The following MTCL1 variants were observed in gnomAD, a reference collection of about 807,000 sequenced individuals.
MTCL1 encodes microtubule cross-linking factor 1.
A neutral mutation model predicts 141.4 loss-of-function variants in MTCL1; 79 were observed. The ratio of observed to expected loss-of-function variants is 0.56; its 90% CI spans 0.47 to 0.67. The LOEUF (loss-of-function observed/expected upper bound fraction) is 0.67. MTCL1 is among the 30% of genes least tolerant of loss of function. The pLI is 0.00. For missense variants in MTCL1, 2,177 were observed against 2,113.9 expected (o/e 1.03, Z -0.59); for synonymous variants, 914 against 875.8 (o/e 1.04, Z -0.77).
At chr18:8,771,861 A>G (rs2096486238) in intron 4 of MTCL1, among the ~76,000 whole-genome samples, 1 of 152,196 alleles carries the variant, frequency 6.6e-6, no homozygotes, top group Admixed American at 6.5e-5. Context: ...CACCAGGCAA[A>G]GCCCCCACTG....
intron 8 of MTCL1, among the ~76,000 whole-genome samples, chr18:8,795,191 T>C (rs150290999): frequency 6.6e-6 from 1 of 152,372 alleles, no homozygotes; most frequent in African/African-American, 2.4e-5. Flanking sequence ...CTCTGACTCT[T>C]CACTGGCCTT....
chr18:8,787,469 G>C (rs111545007), intron 7 of MTCL1: 1 of 152,820 alleles, frequency 6.5e-6, no homozygotes, highest in Admixed American at 6.5e-5. Context: ...GCACATCCCC[G>C]GAGGGGCCTG....
At chr18:8,742,205 A>G (rs528730889) in intron 4 of MTCL1, among the ~76,000 whole-genome samples, 1 of 152,296 alleles carries the variant, frequency 6.6e-6, no homozygotes, top group Non-Finnish European at 1.5e-5. Flanking sequence ...TTTCAAACAT[A>G]TACAGAGAAT....
chr18:8,819,321 T>TCTGC lies in MTCL1; in HGVS notation c.3156+62_3156+63insCTGC. 1.9e-6 allele frequency: 3 copies of TCTGC among 1,556,706 alleles called. No homozygotes were observed. In the Admixed American group the frequency reaches 5.3e-5, roughly 28 times the overall value. On this transcript the variant is annotated intron_variant, in intron 13 of 16. Transcript: ENST00000359865. Reference sequence around the variant, plus strand: ...GGAATGAGGGAGCCGTCATGAAACCTAAGAGGCATCTGCCAGATTCCTCTC... The same window carrying TCTGC: ...GGAATGAGGGAGCCGTCATGAAACCTCTGCAAGAGGCATCTGCCAGATTCCTCTC...
intron 6 of MTCL1, 129 bp from the exon 6 acceptor site, chr18:8,785,807 C>T (rs149098612): frequency 1.9e-5 from 21 of 1,111,388 alleles, no homozygotes; most frequent in African/African-American, 1.3e-4. Flanking sequence ...TTTTCTCAGT[C>T]GTCTCCCTTG....
intron 4 of MTCL1, among the ~76,000 whole-genome samples, chr18:8,764,511 T>C (rs2096449827): frequency 1.3e-5 from 2 of 151,988 alleles, no homozygotes; most frequent in Admixed American, 1.3e-4. Context: ...AGAGACAGGG[T>C]TTCACCATGT....
chr18:8,795,866 A>G (rs1274517188), intron 8 of MTCL1, among the ~76,000 whole-genome samples: 1 of 152,186 alleles, frequency 6.6e-6, no homozygotes, highest in Non-Finnish European at 1.5e-5. Context: ...TGCCCAGCTC[A>G]TGTACAGAGG....
At chr18:8,771,358 C>G (rs929434077) in intron 4 of MTCL1, among the ~76,000 whole-genome samples, 1 of 152,056 alleles carries the variant, frequency 6.6e-6, no homozygotes, top group Non-Finnish European at 1.5e-5. Context: ...CCTTCATTTC[C>G]TTAATCTGGT....
intron 16 of MTCL1, chr18:8,829,409 TG>T: frequency 1.0e-6 from 1 of 984,912 alleles, no homozygotes; most frequent in South Asian, 4.7e-5. Context: ...ATAAGGCTTT[TG>T]TTTTTCATTT....
At chr18:8,758,374 AT>A (rs1016777230) in intron 4 of MTCL1, among the ~76,000 whole-genome samples, 9 of 152,088 alleles carry the variant, frequency 5.9e-5, no homozygotes, top group Admixed American at 5.2e-4. Context: ...CCACCAGGAG[AT>A]CTTTCCACTC....
At chr18:8,784,722 G>A (rs754854278) in exon 6 of MTCL1, 12 of 1,614,074 alleles carry the variant, frequency 7.4e-6, no homozygotes, top group Non-Finnish European at 1.0e-5. Context: ...AACCGCATTG[G>A]GGATGGCCTA....
At chr18:8,748,215 C>T (rs1598476748) in intron 4 of MTCL1, among the ~76,000 whole-genome samples, 1 of 152,264 alleles carries the variant, frequency 6.6e-6, no homozygotes, top group African/African-American at 2.4e-5. Context: ...TGCCCCCATC[C>T]CTCCCCTGCA....
At chr18:8,783,583 C>G (rs749418658) in exon 6 of MTCL1, 4 of 1,613,072 alleles carry the variant, frequency 2.5e-6, no homozygotes, top group African/African-American at 1.3e-5. Context: ...AGGAAGCCTT[C>G]CTGATGCGCA....
chr18:8,705,609 C>CCGT (rs1237143029), upstream of MTCL1: 3,604 of 1,191,074 alleles, frequency 3.0e-3, 79 homozygotes, highest in Admixed American at 0.052. This position sits in a 1 kb window ranked among gnomAD's most constrained non-coding sequence, Gnocchi z 5.2. Context: ...GCCGCCGCCG[C>CCGT]CGTCGTCGTC....
chr18:8,818,677 C>CA (rs1487162342), intron 12 of MTCL1, among the ~76,000 whole-genome samples: 2 of 152,316 alleles, frequency 1.3e-5, no homozygotes, highest in South Asian at 2.1e-4. Flanking sequence ...GCACAACACT[C>CA]AGAGTTATGT....
chr18:8,758,504 A>G (rs2096414090), intron 4 of MTCL1, among the ~76,000 whole-genome samples: 1 of 152,120 alleles, frequency 6.6e-6, no homozygotes. Context: ...GATTTGGGGT[A>G]ATTAAAGGCA....
chr18:8,796,685 C>T (rs958644805), intron 9 of MTCL1, among the ~76,000 whole-genome samples: 1 of 152,120 alleles, frequency 6.6e-6, no homozygotes, highest in African/African-American at 2.4e-5. Context: ...TTTTCCTATA[C>T]ACAAGCAGAT....
chr18:8,819,725 C>T (rs1419740607), intron 13 of MTCL1, among the ~76,000 whole-genome samples: 1 of 152,126 alleles, frequency 6.6e-6, no homozygotes, highest in Non-Finnish European at 1.5e-5. Flanking sequence ...CCCTCAGCCT[C>T]CTGAGTAGCT....
At chr18:8,766,773 G>A (rs796916351) in intron 4 of MTCL1, among the ~76,000 whole-genome samples, 2 of 152,350 alleles carry the variant, frequency 1.3e-5, no homozygotes, top group African/African-American at 4.8e-5. Flanking sequence ...AGAGCTGAGG[G>A]TGGGCAGGTG....
Sources: gnomAD v4.1 joint callset for allele counts (sites outside exome capture counted in the v4.1 genomes callset) on GRCh38, gnomAD v4.1.1 for gene constraint, Gnocchi (gnomAD v3.1) non-coding constraint, MANE v1.5 for transcripts, NCBI Gene and HGNC (gene_info 2026-07-23, HGNC 2026-07-21) for gene names.